ZNF266: variants seen among roughly 807,000 people sequenced by gnomAD.
The protein encoded by ZNF266 is zinc finger protein 1.
A neutral mutation model predicts 16.4 loss-of-function variants in ZNF266; 16 were observed. The observed-to-expected ratio is 0.98, with a 90% CI of 0.66 to 1.48. ZNF266 has a LOEUF of 1.48. Ranked by LOEUF, ZNF266 falls within the 40% of genes most tolerant of loss-of-function variation. The pLI is 0.00. For synonymous variants in ZNF266, 262 were observed against 237.9 expected, an observed-to-expected ratio of 1.10 and a Z score of -0.93; for missense variants, 738 against 689.1, an observed-to-expected ratio of 1.07 and a Z score of -0.79.
intron 9 of ZNF266, among the ~76,000 whole-genome samples, chr19:9,417,217 A>G (rs1478540365): frequency 1.3e-5 from 2 of 151,796 alleles, no homozygotes; most frequent in East Asian, 4.0e-4. Flanking sequence ...CTAATAATAC[A>G]AAAAATTAAC....
At position 9,413,935 on chromosome 19, in the gene ZNF266, TC is replaced by T. The variant is rs1458828659; in HGVS notation, c.1190del (p.Gly397GlufsTer20). On this transcript the variant is annotated frameshift_variant, in exon 11 of 11. Transcript: ENST00000592904. LOFTEE classifies it low-confidence loss of function (END_TRUNC). ...AKDPFECKIC[G>X]KSFRNSSCLS... ...GGCATGAGGAATTTCTAAAGGATTT[TC>T]CACATATCTTACATTCAAAGGGATC... 1.2e-6 allele frequency: 2 copies of T among 1,614,066 alleles called. No homozygotes were observed. Among genetic ancestry groups the T allele is most frequent in the Non-Finnish European group, 1.7e-6 (2 of 1,180,030 alleles).
At position 9,414,667 on chromosome 19, in the gene ZNF266, G is replaced by T; in HGVS notation, c.459C>A (p.Val153=). The T allele has an allele frequency of 6.3e-7, 1 of 1,598,072 alleles. No homozygotes were observed. Among genetic ancestry groups the T allele is most frequent in the South Asian group, 1.1e-5 (1 of 90,616 alleles). Residue 153 remains valine, a synonymous_variant, in exon 11 of 11, where the codon GTC becomes GTA. Coordinates refer to ENST00000592904, the MANE Select transcript of ZNF266 (RefSeq NM_001370374.1). ...EVSDVKQCGD[V]SSEHSCLKTH... ...TCTTAAGGCATGAGTGTTCACTGGA[G>T]ACATCTCCACATTGCTTAACATCAC... is the stretch of plus-strand genomic sequence containing the variant.
intron 5 of ZNF266, among the ~76,000 whole-genome samples, chr19:9,429,709 C>T (rs2071301341): frequency 2.6e-5 from 4 of 152,292 alleles, no homozygotes; most frequent in East Asian, 3.9e-4. Context: ...GAACTGTCTG[C>T]TTAGCCCCTG....
intron 9 of ZNF266, among the ~76,000 whole-genome samples, chr19:9,417,540 A>AAC (rs2069230342): frequency 6.6e-6 from 1 of 152,158 alleles, no homozygotes; most frequent in South Asian, 2.1e-4. Context: ...CACACTGACC[A>AAC]ACACGGTCAA....
At position 9,412,628 on chromosome 19, in the gene ZNF266, T is replaced by C. The variant is rs1215796086; in HGVS notation, c.*647A>G. On this transcript the variant is annotated 3_prime_UTR_variant, in exon 11 of 11. Transcript: ENST00000592904. Reference sequence around the variant, plus strand: ...CCAAGAGAAATTTATTGCCTCACAGTTCTGGAGCCTGGAAGTGCAATATCA... The same window carrying C: ...CCAAGAGAAATTTATTGCCTCACAGCTCTGGAGCCTGGAAGTGCAATATCA... 6.6e-6 allele frequency: 1 copy of C among 152,224 alleles called. No homozygotes were observed. The highest frequency in any genetic ancestry group is 1.5e-5 in the Non-Finnish European group (1 of 68,094). The allele number at this position is 152,224 out of a possible 1,614,324, so 9.4% of individuals were successfully genotyped here.
chr19:9,427,962 C>T (rs1348249871), intron 5 of ZNF266, among the ~76,000 whole-genome samples: 2 of 150,900 alleles, frequency 1.3e-5, no homozygotes, highest in Non-Finnish European at 2.9e-5. Flanking sequence ...ATTAATGCCT[C>T]GAAGAAAAAA....
chr19:9,435,354 G>C lies in ZNF266; in HGVS notation c.-628C>G, dbSNP rs898362144. The C allele has an allele frequency of 3.3e-5, 5 of 152,220 alleles. No individual in the cohort carries two copies. Among genetic ancestry groups the C allele is most frequent in the Non-Finnish European group, 7.3e-5 (5 of 68,088 alleles). The allele number at this position is 152,220 out of a possible 1,614,324, so 9.4% of individuals were successfully genotyped here. On this transcript the variant is annotated 5_prime_UTR_variant, in exon 1 of 11. Coordinates refer to ENST00000592904, the MANE Select transcript of ZNF266 (RefSeq NM_001370374.1). ...ACTCGAGTGGCTTTTTGAACCTGGCGGCGCCAGGAGGACCCGCGCGGCCCC... is the reference window on the plus strand; with the variant it reads ...ACTCGAGTGGCTTTTTGAACCTGGCCGCGCCAGGAGGACCCGCGCGGCCCC...
chr19:9,417,552 C>A (rs2069233453), intron 9 of ZNF266, among the ~76,000 whole-genome samples: 2 of 152,004 alleles, frequency 1.3e-5, no homozygotes, highest in African/African-American at 4.8e-5. Flanking sequence ...CACGGTCAAA[C>A]CCCGCCTCTA....
intron 5 of ZNF266, among the ~76,000 whole-genome samples, chr19:9,421,194 A>T (rs1023281686): frequency 6.6e-6 from 1 of 152,048 alleles, no homozygotes; most frequent in East Asian, 1.9e-4. Context: ...AACCAGATAC[A>T]CCCCCACAAG....
In ZNF266 at chr19:9,413,333, G is replaced by C; in HGVS notation, c.1793C>G (p.Ser598Cys). The change falls in exon 11 of 11, where the codon TCT (serine) becomes TGT (cysteine). Residue 598 changes from serine (S) to cysteine (C), a missense_variant. Physicochemically the swap from Ser to Cys is moderately radical, Grantham distance 112 (BLOSUM62 -1). Transcript: ENST00000592904. ...ECKECGKAFS[S>C]SSSFRNHERR... is the part of the protein sequence containing the mutation. ...TTCATGATTTCGAAAGGAACTGGAA[G>C]AACTGAAGGCTTTCCCGCACTCCTT... The C allele has an allele frequency of 6.2e-7, 1 of 1,610,744 alleles. No individual in the cohort carries two copies. The highest frequency in any genetic ancestry group is 8.5e-7 in the Non-Finnish European group (1 of 1,178,204).
chr19:9,425,285 C>T (rs1288426445), intron 5 of ZNF266, among the ~76,000 whole-genome samples: 1 of 152,248 alleles, frequency 6.6e-6, no homozygotes, highest in Non-Finnish European at 1.5e-5. Flanking sequence ...GAACACCCGG[C>T]TGTCTCTGGA....
In ZNF266 at chr19:9,413,313, G is replaced by T. The variant is rs371705015; in HGVS notation, c.1813C>A (p.His605Asn). ...CTCTCATCCGCATGCCTTCTTTCATGATTTCGAAAGGAACTGGAAGAACTG... is the reference window on the plus strand; with the variant it reads ...CTCTCATCCGCATGCCTTCTTTCATTATTTCGAAAGGAACTGGAAGAACTG... ...AFSSSSSFRN[H>N]ERRHADERLS... Residue 605 changes from histidine to asparagine, a missense_variant, in exon 11 of 11, where the codon CAT becomes AAT. Coordinates refer to ENST00000592904, the MANE Select transcript of ZNF266 (RefSeq NM_001370374.1). 15 of 1,603,164 alleles carry T rather than the reference G, an allele frequency of 9.4e-6. No individual in the cohort carries two copies. The highest frequency in any genetic ancestry group is 5.4e-5 in the African/African-American group (4 of 74,484).
Position 9,413,357 on chromosome 19 carries a change from T to G in ZNF266, c.1769A>C (p.Lys590Thr), listed in dbSNP as rs2068492861. The G allele has an allele frequency of 2.5e-6, 4 of 1,614,006 alleles. No homozygotes were observed. The highest frequency in any genetic ancestry group is 3.4e-6 in the Non-Finnish European group (4 of 1,179,926). ...THTGEKPYEC[K>T]ECGKAFSSSS... is the part of the protein sequence containing the mutation. ...AGAACTGAAGGCTTTCCCGCACTCC[T>G]TACATTCATAGGGTTTCTCTCCAGT... The change falls in exon 11 of 11, where the codon AAG (lysine) becomes ACG (threonine). Residue 590 changes from lysine to threonine, a missense_variant. Coordinates refer to ENST00000592904, the MANE Select transcript of ZNF266 (RefSeq NM_001370374.1).
In ZNF266 at chr19:9,434,835, T is replaced by C. The variant is rs2072217355; in HGVS notation, c.-447A>G. On this transcript the variant is annotated 5_prime_UTR_variant, in exon 3 of 11. Coordinates refer to ENST00000592904, the MANE Select transcript of ZNF266 (RefSeq NM_001370374.1). ...ATTCCTTCTTCCTAAAAGCCCGTTT[T>C]GAAGCTCTGTGGGGAGGTACAGGCC... 2 of 152,190 alleles carry C rather than the reference T, an allele frequency of 1.3e-5. No homozygotes were observed. The highest frequency in any genetic ancestry group is 4.1e-4 in the South Asian group (2 of 4,832). 9.4% of individuals were successfully genotyped at this position (152,190 alleles called of 1,614,324 possible). A position where few individuals can be genotyped will look rare whatever the true frequency, so the allele number is the denominator to read the frequency against.
In ZNF266 at chr19:9,414,067, A is replaced by G; in HGVS notation, c.1059T>C (p.His353=). The part of the protein sequence containing the change: ...AFTVSSCLSQ[H]MKIHVGEKPY... The stretch of plus-strand genomic sequence containing the variant: ...GCTTCTCACCCACATGGATTTTCAT[A>G]TGTTGACTTAAGCAAGAGGAAACAG... Residue 353 remains histidine, a synonymous_variant, in exon 11 of 11, where the codon CAT becomes CAC. Transcript: ENST00000592904. 6.2e-7 allele frequency: 1 copy of G among 1,614,020 alleles called. No homozygotes were observed. Among genetic ancestry groups the G allele is most frequent in the Middle Eastern group, 1.6e-4 (1 of 6,062 alleles).
At chr19:9,423,784 T>C (rs573448628) in intron 5 of ZNF266, among the ~76,000 whole-genome samples, 1 of 152,204 alleles carries the variant, frequency 6.6e-6, no homozygotes, top group African/African-American at 2.4e-5. Flanking sequence ...TCGTTTCAGG[T>C]CAGGAGTTCG....
At chr19:9,421,196 C>G (rs556285567) in intron 5 of ZNF266, among the ~76,000 whole-genome samples, 1 of 152,066 alleles carries the variant, frequency 6.6e-6, no homozygotes, top group African/African-American at 2.4e-5. Flanking sequence ...CCAGATACAC[C>G]CCCACAAGGA....
chr19:9,428,315 C>T lies in ZNF266; in HGVS notation c.-130+5353G>A, dbSNP rs369309375. ...AGGCCACGATGAAGCCAATCTCAGG[C>T]CCTTGGGTCTAATCCACCCGCAGAA... On this transcript the variant is annotated intron_variant, in intron 5 of 10. Transcript: ENST00000592904. 1.3e-4 allele frequency among the ~76,000 whole-genome samples: 20 copies of T among 152,320 alleles called. No individual in the cohort carries two copies. The East Asian group carries it at 1.7e-3, about 13-fold the overall frequency.
chr19:9,417,886 A>G lies in ZNF266; in HGVS notation c.258T>C (p.Ser86=). The change falls in exon 9 of 11, where the codon AGT becomes AGC. Residue 86 remains serine (S), a synonymous_variant. Coordinates refer to ENST00000592904, the MANE Select transcript of ZNF266 (RefSeq NM_001370374.1). Reference sequence around the variant, plus strand: ...CTTCTTGTTCCAGCCAAGAGATCAGACTGGGTTTGAAGAGCTGATATCCTG... The same window carrying G: ...CTTCTTGTTCCAGCCAAGAGATCAGGCTGGGTTTGAAGAGCTGATATCCTG... The part of the protein sequence containing the change: ...ATVGYQLFKP[S]LISWLEQEES... 6.2e-7 allele frequency: 1 copy of G among 1,614,134 alleles called. No homozygotes were observed. The highest frequency in any genetic ancestry group is 8.5e-7 in the Non-Finnish European group (1 of 1,179,990).
Sources: allele counts gnomAD v4.1 joint callset (sites outside exome capture counted in the v4.1 genomes callset), GRCh38; gene constraint gnomAD v4.1.1; transcripts MANE v1.5; gene names NCBI Gene and HGNC (gene_info 2026-07-23, HGNC 2026-07-21).